SORCS1: variants seen among roughly 807,000 people sequenced by gnomAD.
SORCS1 encodes VPS10 domain-containing receptor SorCS1.
A neutral mutation model predicts 146.1 loss-of-function variants in SORCS1; 60 were observed. The observed-to-expected ratio is 0.41, with a 90% CI of 0.33 to 0.51. The LOEUF is 0.51. SORCS1 is among the 20% of genes least tolerant of loss of function. The pLI is 0.21. For missense variants in SORCS1, 1,352 were observed against 1,487.6 expected, an observed-to-expected ratio of 0.91 and a Z score of 1.50; for synonymous variants, 637 against 584.0, an observed-to-expected ratio of 1.09 and a Z score of -1.31.
At chr10:106,809,148 T>G (rs1228606670) in intron 3 of SORCS1, among the ~76,000 whole-genome samples, 1 of 151,998 alleles carries the variant, frequency 6.6e-6, no homozygotes, top group Non-Finnish European at 1.5e-5. Context: ...TTTTGTTTTG[T>G]TTTGTTTTTG....
chr10:106,594,957 C>T (rs11813579), intron 24 of SORCS1, among the ~76,000 whole-genome samples: 2,034 of 152,312 alleles, frequency 0.013, 51 homozygotes, highest in African/African-American at 0.046. Flanking sequence ...TCAGTGGTTA[C>T]TTTCTACTCA....
chr10:106,866,439 G>A (rs995601138), intron 2 of SORCS1, among the ~76,000 whole-genome samples: 10 of 152,338 alleles, frequency 6.6e-5, no homozygotes, highest in African/African-American at 2.2e-4. Flanking sequence ...GTCCCCAGGA[G>A]ACATGCAAAA....
intron 1 of SORCS1, among the ~76,000 whole-genome samples, chr10:106,979,893 A>T (rs553389925): frequency 6.6e-6 from 1 of 152,308 alleles, no homozygotes; most frequent in East Asian, 1.9e-4. Flanking sequence ...GTCAGCTCCT[A>T]CCTCATTGGA....
chr10:106,648,549 T>G (rs1849622033), intron 18 of SORCS1, among the ~76,000 whole-genome samples: 1 of 152,256 alleles, frequency 6.6e-6, no homozygotes, highest in Admixed American at 6.5e-5. Context: ...ACCCCCTTTC[T>G]TGCTCTTCAT....
chr10:107,168,309 A>G (rs1218513341), upstream of SORCS1, among the ~76,000 whole-genome samples: 2 of 152,234 alleles, frequency 1.3e-5, no homozygotes, highest in Non-Finnish European at 2.9e-5. Context: ...CTCTGCCTAC[A>G]GAAGAAATTT....
At chr10:106,866,352 T>C (rs772085213) in intron 2 of SORCS1, among the ~76,000 whole-genome samples, 28 of 152,156 alleles carry the variant, frequency 1.8e-4, no homozygotes, top group Non-Finnish European at 4.1e-4. Flanking sequence ...AACCTGCAGG[T>C]TGGGCCCATC....
chr10:106,967,957 C>T (rs990396554), intron 1 of SORCS1, among the ~76,000 whole-genome samples: 5 of 151,054 alleles, frequency 3.3e-5, no homozygotes, highest in Admixed American at 2.0e-4. Context: ...GTAATCCCAG[C>T]GCTTTGGGAG....
chr10:107,120,601 C>A (rs1228754036), intron 1 of SORCS1, among the ~76,000 whole-genome samples: 1 of 152,140 alleles, frequency 6.6e-6, no homozygotes, highest in East Asian at 1.9e-4. Context: ...CAGAAGTAGG[C>A]AATCTCATAA....
intron 1 of SORCS1, among the ~76,000 whole-genome samples, chr10:106,985,399 A>C (rs1342665267): frequency 1.3e-5 from 2 of 152,158 alleles, no homozygotes; most frequent in African/African-American, 4.8e-5. Context: ...CTACATAGAA[A>C]ACCCAGAATT....
At chr10:107,150,130 T>C (rs903368277) in intron 1 of SORCS1, among the ~76,000 whole-genome samples, 2 of 152,218 alleles carry the variant, frequency 1.3e-5, no homozygotes, top group African/African-American at 4.8e-5. Context: ...TCCACCAGAA[T>C]ATGCACCCTT....
intron 2 of SORCS1, among the ~76,000 whole-genome samples, chr10:106,918,107 T>A (rs7911651): frequency 0.016 from 2,486 of 152,294 alleles, 63 homozygotes; most frequent in South Asian, 0.11. Context: ...AATATGCACC[T>A]GTTTTACTGA....
chr10:106,853,413 A>C (rs1178337850), intron 2 of SORCS1, among the ~76,000 whole-genome samples: 1 of 149,888 alleles, frequency 6.7e-6, no homozygotes, highest in East Asian at 1.9e-4. Flanking sequence ...TTTTTTTTCC[A>C]AAAAAACAGG....
At chr10:106,627,165 C>T (rs1848163133) in intron 19 of SORCS1, among the ~76,000 whole-genome samples, 1 of 152,076 alleles carries the variant, frequency 6.6e-6, no homozygotes, top group Admixed American at 6.5e-5. Flanking sequence ...GAGCAGTAGA[C>T]ACCTCAAGGG....
chr10:106,833,839 G>C (rs1189021843), intron 2 of SORCS1, among the ~76,000 whole-genome samples: 3 of 152,066 alleles, frequency 2.0e-5, no homozygotes, highest in Non-Finnish European at 4.4e-5. Flanking sequence ...TGTCACCCAG[G>C]CTGGAGTGCA....
At chr10:106,686,789 G>A (rs1300803012) in intron 10 of SORCS1, among the ~76,000 whole-genome samples, 1 of 152,142 alleles carries the variant, frequency 6.6e-6, no homozygotes, top group Non-Finnish European at 1.5e-5. Flanking sequence ...AGCTATGGCT[G>A]CTGGCATCTT....
chr10:106,593,878 C>T lies in SORCS1; in HGVS notation c.3265+3473G>A, dbSNP rs112759161. 4.6e-3 allele frequency among the ~76,000 whole-genome samples: 701 copies of T among 152,230 alleles called. 5 individuals carry two copies. The highest frequency in any genetic ancestry group is 0.016 in the African/African-American group (669 of 41,534). On this transcript the variant is annotated intron_variant, in intron 24 of 25. Transcript: ENST00000263054. ...GCATATCTGGGTCCCCAAAATATAC[C>T]TCCCTTTTGCCAGCCCTTCTTCCCA...
chr10:106,680,013 AGAGGGCATGAGATCCTT>A (rs1462276021), intron 10 of SORCS1, among the ~76,000 whole-genome samples: 1 of 152,224 alleles, frequency 6.6e-6, no homozygotes, highest in Non-Finnish European at 1.5e-5. Flanking sequence ...CAATTTATAT[AGAGGGCATGAGATCCTT>A]CCATTAATTA....
intron 1 of SORCS1, among the ~76,000 whole-genome samples, chr10:107,130,127 C>T (rs557270553): frequency 2.0e-5 from 3 of 152,298 alleles, no homozygotes; most frequent in South Asian, 2.1e-4. Flanking sequence ...GTCTTCCAAT[C>T]CTAATTTTAA....
chr10:106,977,213 T>A (rs1292599418), intron 1 of SORCS1, among the ~76,000 whole-genome samples: 1 of 152,208 alleles, frequency 6.6e-6, no homozygotes, highest in East Asian at 1.9e-4. Context: ...GTCTCCTGAC[T>A]TTTTAATAAT....
Sources: allele counts gnomAD v4.1 joint callset (sites outside exome capture counted in the v4.1 genomes callset), GRCh38; gene constraint gnomAD v4.1.1; transcripts MANE v1.5; gene names NCBI Gene and HGNC (gene_info 2026-07-23, HGNC 2026-07-21).